MYO1E: variants seen among roughly 807,000 people sequenced by gnomAD.
MYO1E encodes the protein unconventional myosin-Ie.
In MYO1E, 68 loss-of-function variants were observed where a neutral mutation model predicts 151.1. The ratio of observed to expected loss-of-function variants is 0.45; its 90% confidence interval spans 0.37 to 0.55. The LOEUF (loss-of-function observed/expected upper bound fraction) is 0.55. Ranked by LOEUF, MYO1E falls within the 20% of genes least tolerant of loss-of-function variation. The probability of loss-of-function intolerance (pLI) is 0.00; values close to 1 mark genes in which losing one functional copy is unlikely to be tolerated. For missense variants in MYO1E, 1,363 were observed against 1,389.3 expected, an observed-to-expected ratio of 0.98 and a Z score of 0.30; for synonymous variants, 601 against 501.7, an observed-to-expected ratio of 1.20 and a Z score of -2.64.
intron 1 of MYO1E, among the ~76,000 whole-genome samples, chr15:59,317,925 G>A (rs567728354): frequency 7.3e-4 from 111 of 152,278 alleles, no homozygotes; most frequent in Non-Finnish European, 8.8e-4. Context: ...TACAGATGTG[G>A]AAACTGAGGT....
chr15:59,329,266 C>A lies in MYO1E; in HGVS notation c.3+43232G>T, dbSNP rs116361112. ...AGTCCCATGAATTATTCCTCTTAAT[C>A]CTCAAGCAACACTATGACGTAGATA... On this transcript the variant is annotated intron_variant, in intron 1 of 27. Coordinates refer to ENST00000288235, the MANE Select transcript of MYO1E (RefSeq NM_004998.4). Among the ~76,000 whole-genome samples, 1,323 of 152,242 alleles carry A rather than the reference C, an allele frequency of 8.7e-3. 19 individuals are homozygous for A. The highest frequency in any genetic ancestry group is 0.03 in the African/African-American group (1,228 of 41,534).
chr15:59,348,803 G>C (rs1191443620), intron 1 of MYO1E: 1 of 151,978 alleles, frequency 6.6e-6, no homozygotes. Flanking sequence ...GGCCAATTTT[G>C]TATTTTTAGT....
intron 1 of MYO1E, among the ~76,000 whole-genome samples, chr15:59,355,903 G>A (rs1016703100): frequency 1.1e-4 from 16 of 152,012 alleles, no homozygotes; most frequent in Admixed American, 2.0e-4. Flanking sequence ...TTTTTTTGTA[G>A]AGACGGGGTC....
chr15:59,172,137 A>G (rs552765974), intron 21 of MYO1E, 95 bp from the exon 22 acceptor site: 1 of 1,415,414 alleles, frequency 7.1e-7, no homozygotes, highest in African/African-American at 1.4e-5. Context: ...CGGGTGAATC[A>G]CCTGAGGTCA....
intron 26 of MYO1E, 90 bp downstream of exon 26, chr15:59,153,500 T>C: frequency 7.2e-7 from 1 of 1,388,192 alleles, no homozygotes. Flanking sequence ...GAATCCTGTG[T>C]ATTGACAGCC....
intron 19 of MYO1E, among the ~76,000 whole-genome samples, chr15:59,176,181 C>T (rs1157115220): frequency 6.6e-6 from 1 of 152,124 alleles, no homozygotes; most frequent in African/African-American, 2.4e-5. Context: ...GCCTCAGCCA[C>T]CTGAGTAGCT....
intron 2 of MYO1E, chr15:59,265,079 A>G (rs1196795471): frequency 6.6e-6 from 1 of 152,234 alleles, no homozygotes; most frequent in Non-Finnish European, 1.5e-5. Flanking sequence ...GGTAAACCCA[A>G]TTTTAAAGAA....
intron 26 of MYO1E, among the ~76,000 whole-genome samples, chr15:59,141,893 G>A (rs2079412042): frequency 1.3e-5 from 2 of 151,746 alleles, no homozygotes; most frequent in South Asian, 2.1e-4. Flanking sequence ...GGATCATGAG[G>A]TCAGGAGATA....
chr15:59,247,915 G>A (rs1331595753), intron 4 of MYO1E, among the ~76,000 whole-genome samples: 1 of 151,716 alleles, frequency 6.6e-6, no homozygotes, highest in Non-Finnish European at 1.5e-5. Context: ...TGAGGTCAGG[G>A]GTTCAAGACC....
chr15:59,270,542 T>TA (rs777284445), intron 2 of MYO1E, among the ~76,000 whole-genome samples: 3,627 of 104,714 alleles, frequency 0.035, 57 homozygotes, highest in African/African-American at 0.048. Flanking sequence ...GACCCTGTCT[T>TA]AAAAAAAAAA....
intron 5 of MYO1E, 108 bp downstream of exon 5, chr15:59,236,477 G>A (rs1451768381): frequency 6.1e-6 from 5 of 817,702 alleles, no homozygotes; most frequent in African/African-American, 5.2e-5. Flanking sequence ...CACAGTTATA[G>A]AAGAACCAGT....
intron 25 of MYO1E, among the ~76,000 whole-genome samples, chr15:59,154,105 G>A (rs1451763319): frequency 6.6e-6 from 1 of 152,206 alleles, no homozygotes; most frequent in Non-Finnish European, 1.5e-5. Flanking sequence ...GCACATGCTT[G>A]GTGGCAATAG....
At chr15:59,213,132 TTTATTTATTATTATTA>T (rs1344426879) in intron 12 of MYO1E, among the ~76,000 whole-genome samples, 5 of 122,380 alleles carry the variant, frequency 4.1e-5, no homozygotes, top group African/African-American at 1.7e-4. Context: ...CACTGAACTA[TTTATTTATTATTATTA>T]TTATTATTAT....
At position 59,270,275 on chromosome 15, in the gene MYO1E, G is replaced by A. The variant is rs1488028716; in HGVS notation, c.147+2031C>T. On this transcript the variant is annotated intron_variant, in intron 2 of 27. Transcript: ENST00000288235. ...TACATATTAAAACATCACATTGCCA[G>A]GCGCAGTGGCTCATACGTGTAGTCC... Among the ~76,000 whole-genome samples, 3 of 152,250 alleles carry A rather than the reference G, an allele frequency of 2.0e-5. No individual in the cohort carries two copies. In the South Asian group the frequency reaches 6.2e-4, roughly 32 times the overall value.
At chr15:59,323,842 A>G (rs1486261341) in intron 1 of MYO1E, among the ~76,000 whole-genome samples, 1 of 151,994 alleles carries the variant, frequency 6.6e-6, no homozygotes, top group Non-Finnish European at 1.5e-5. Context: ...GGCTGCCCAT[A>G]AGAGCCCCTG....
At chr15:59,235,400 T>C (rs2080056309) in intron 5 of MYO1E, among the ~76,000 whole-genome samples, 1 of 152,052 alleles carries the variant, frequency 6.6e-6, no homozygotes, top group Non-Finnish European at 1.5e-5. Context: ...TGCACTCTCT[T>C]TTGATCCCTC....
chr15:59,324,754 A>T (rs1472962314), intron 1 of MYO1E, among the ~76,000 whole-genome samples: 1 of 151,586 alleles, frequency 6.6e-6, no homozygotes, highest in Non-Finnish European at 1.5e-5. Flanking sequence ...TTTCAGACTG[A>T]GGGGACCTGA....
chr15:59,353,112 T>G (rs1290463569), intron 1 of MYO1E, among the ~76,000 whole-genome samples: 1 of 152,144 alleles, frequency 6.6e-6, no homozygotes, highest in African/African-American at 2.4e-5. Context: ...TTCTCAAAAG[T>G]TGGATCCCAC....
At chr15:59,199,813 A>C (rs2079789948) in intron 16 of MYO1E, among the ~76,000 whole-genome samples, 1 of 152,184 alleles carries the variant, frequency 6.6e-6, no homozygotes, top group South Asian at 2.1e-4. Context: ...TTAAGATGAC[A>C]ATGATGTCTG....
Sources: allele counts gnomAD v4.1 joint callset (sites outside exome capture counted in the v4.1 genomes callset), GRCh38; gene constraint gnomAD v4.1.1; transcripts MANE v1.5; gene names NCBI Gene and HGNC (gene_info 2026-07-23, HGNC 2026-07-21).